ZZZ3: variants seen among roughly 807,000 people sequenced by gnomAD.
The protein encoded by ZZZ3 is zinc finger ZZ-type containing 3, also known as ZZ-type zinc finger-containing protein 3.
ZZZ3 carries 22 observed loss-of-function variants against 95.2 expected under a neutral mutation model. That is an observed-to-expected ratio of 0.23 (90% CI 0.17 to 0.33). ZZZ3 has a LOEUF of 0.33. Among genes scored for constraint, ZZZ3 ranks in the 10% least tolerant of loss-of-function variants. The pLI is 1.00. For missense variants in ZZZ3, 885 were observed against 1,066.5 expected (o/e 0.83, Z 2.37); for synonymous variants, 335 against 358.9 (o/e 0.93, Z 0.75).
Position 77,565,603 on chromosome 1 carries a change from T to C in ZZZ3, c.*37A>G. ...AATTAACAATGATACCATTGCTATG[T>C]GTTGAAGAGGACTAGTAAATGATGT... On this transcript the variant is annotated 3_prime_UTR_variant, in exon 15 of 15. Coordinates refer to ENST00000370801, the MANE Select transcript of ZZZ3 (RefSeq NM_015534.6). 6.2e-7 allele frequency: 1 copy of C among 1,600,012 alleles called. No individual in the cohort carries two copies.
At chr1:77,609,930 A>G (rs1476646005) in intron 5 of ZZZ3, among the ~76,000 whole-genome samples, 3 of 152,046 alleles carry the variant, frequency 2.0e-5, no homozygotes, top group African/African-American at 7.2e-5. Flanking sequence ...GCCAACATAA[A>G]AAACAAAAAA....
In ZZZ3 at chr1:77,564,152, A is replaced by G. The variant is rs1660632697; in HGVS notation, c.*1488T>C. The G allele has an allele frequency of 6.6e-6, 1 of 152,160 alleles. No individual in the cohort carries two copies. The highest frequency in any genetic ancestry group is 2.1e-4 in the South Asian group (1 of 4,830). The allele number at this position is 152,160 out of a possible 1,614,324, so 9.4% of individuals were successfully genotyped here. A position where few individuals can be genotyped will look rare whatever the true frequency, so the allele number is the denominator to read the frequency against. ...TTTCAAAAGCCATCTGTTTAAATAC[A>G]TGGGGGCTTATCTTCATGAGACACA... On this transcript the variant is annotated 3_prime_UTR_variant, in exon 15 of 15. Transcript: ENST00000370801.
intron 5 of ZZZ3, among the ~76,000 whole-genome samples, chr1:77,618,655 CCTTTG>C (rs1166829445): frequency 6.6e-6 from 1 of 152,056 alleles, no homozygotes; most frequent in Non-Finnish European, 1.5e-5. Flanking sequence ...AAAATAAACC[CCTTTG>C]TTGTTTGAGA....
chr1:77,668,018 C>T (rs916942138), intron 1 of ZZZ3, among the ~76,000 whole-genome samples: 1 of 152,060 alleles, frequency 6.6e-6, no homozygotes, highest in Admixed American at 6.5e-5. Context: ...CTGCCCACCT[C>T]AGCCTCCCAA....
chr1:77,568,104 C>T (rs1660997908), intron 13 of ZZZ3, among the ~76,000 whole-genome samples: 1 of 151,824 alleles, frequency 6.6e-6, no homozygotes, highest in Admixed American at 6.6e-5. Flanking sequence ...ATGGTGAAAC[C>T]CCCATCTCTA....
At chr1:77,655,276 T>G (rs530364182) in intron 1 of ZZZ3, among the ~76,000 whole-genome samples, 2 of 152,216 alleles carry the variant, frequency 1.3e-5, no homozygotes, top group African/African-American at 4.8e-5. Context: ...AGTTTCAACA[T>G]GAGTTTTGGA....
intron 1 of ZZZ3, among the ~76,000 whole-genome samples, chr1:77,673,121 A>G (rs1156324085): frequency 6.6e-6 from 1 of 152,152 alleles, no homozygotes; most frequent in Admixed American, 6.5e-5. Flanking sequence ...ACTGACTGAA[A>G]TAACTAAAAT....
chr1:77,648,978 T>C (rs1669555524), intron 1 of ZZZ3, among the ~76,000 whole-genome samples: 1 of 151,934 alleles, frequency 6.6e-6, no homozygotes, highest in Non-Finnish European at 1.5e-5. Context: ...AATACAAAAA[T>C]TAGCCAAGAG....
At chr1:77,595,392 G>C (rs532746575) in intron 5 of ZZZ3, among the ~76,000 whole-genome samples, 43 of 152,044 alleles carry the variant, frequency 2.8e-4, no homozygotes, top group Non-Finnish European at 1.5e-5. Context: ...GAAGTAAAAA[G>C]CAAGTTGAAT....
In ZZZ3 at chr1:77,632,647, T is replaced by C; in HGVS notation, c.708A>G (p.Glu236=). 6.2e-7 allele frequency: 1 copy of C among 1,614,208 alleles called. No individual in the cohort carries two copies. Among genetic ancestry groups the C allele is most frequent in the Non-Finnish European group, 8.5e-7 (1 of 1,180,034 alleles). The change falls in exon 5 of 15, where the codon GAA becomes GAG. Residue 236 remains glutamate, a synonymous_variant. Coordinates refer to ENST00000370801, the MANE Select transcript of ZZZ3 (RefSeq NM_015534.6). ...QNSIGSYVLQ[E]KSVAENGDTD... ...TATCCCCATTTTCAGCTACTGATTT[T>C]TCCTGTAACACATAGGAACCAATGC...
rs957150660 is a variant in ZZZ3 at position 77,603,775 on chromosome 1, T to TA, written c.1506-19121dup. Among the ~76,000 whole-genome samples, 52 of 151,008 alleles carry TA rather than the reference T, an allele frequency of 3.4e-4. 1 individual carries two copies. The highest frequency in any genetic ancestry group is 6.3e-4 in the African/African-American group (26 of 41,188). ...TGAGCCACTGATTCGAAGAGCTTCT[T>TA]AAAAAAAAAGAGGAATATTTCAGAT... On this transcript the variant is annotated intron_variant, in intron 5 of 14. Coordinates refer to ENST00000370801, the MANE Select transcript of ZZZ3 (RefSeq NM_015534.6).
intron 1 of ZZZ3, among the ~76,000 whole-genome samples, chr1:77,672,243 G>T (rs1272089603): frequency 6.6e-6 from 1 of 152,168 alleles, no homozygotes; most frequent in Non-Finnish European, 1.5e-5. Context: ...CCTGATAGGT[G>T]CCAGGGAACT....
intron 3 of ZZZ3, among the ~76,000 whole-genome samples, chr1:77,639,901 ATT>A (rs5775411): frequency 2.6e-4 from 37 of 140,900 alleles, no homozygotes; most frequent in Admixed American, 2.9e-4. Context: ...CTAAGGGAGT[ATT>A]TTTTTTTTTT....
At chr1:77,674,134 CCA>C (rs1435223493) in intron 1 of ZZZ3, among the ~76,000 whole-genome samples, 1 of 152,038 alleles carries the variant, frequency 6.6e-6, no homozygotes, top group Non-Finnish European at 1.5e-5. Context: ...AAAAGGTCTA[CCA>C]CAGAGTTTAA....
chr1:77,622,006 T>C (rs1420818326), intron 5 of ZZZ3, among the ~76,000 whole-genome samples: 2 of 151,748 alleles, frequency 1.3e-5, no homozygotes, highest in African/African-American at 2.4e-5. Flanking sequence ...AGTTAAAATA[T>C]ATGAATGCGT....
chr1:77,584,431 T>C (rs1662860125), intron 6 of ZZZ3, 86 bp downstream of exon 6: 20 of 1,363,412 alleles, frequency 1.5e-5, no homozygotes, highest in Non-Finnish European at 1.8e-5. Flanking sequence ...TTAAAAAGTA[T>C]ATACCCATAA....
In ZZZ3 at chr1:77,563,365, A is replaced by C. The variant is rs1660575982; in HGVS notation, c.*2275T>G. The stretch of plus-strand genomic sequence containing the variant: ...AACTCTCAAATTAAAACAATAACAA[A>C]ACACTACCTACTACTATCTGAACTT... On this transcript the variant is annotated 3_prime_UTR_variant, in exon 15 of 15. Transcript: ENST00000370801. 6.6e-6 allele frequency: 1 copy of C among 152,266 alleles called. No homozygotes were observed. The highest frequency in any genetic ancestry group is 2.1e-4 in the South Asian group (1 of 4,828). 9.4% of individuals were successfully genotyped at this position (152,266 alleles called of 1,614,324 possible).
At chr1:77,649,486 A>G (rs1476983377) in intron 1 of ZZZ3, among the ~76,000 whole-genome samples, 1 of 152,228 alleles carries the variant, frequency 6.6e-6, no homozygotes, top group Non-Finnish European at 1.5e-5. Flanking sequence ...AGGAAATGTT[A>G]AAAGAAGTTC....
chr1:77,564,411 C>A lies in ZZZ3; in HGVS notation c.*1229G>T, dbSNP rs997037585. The A allele has an allele frequency of 6.6e-6, 1 of 151,966 alleles. No individual in the cohort carries two copies. Among genetic ancestry groups the A allele is most frequent in the East Asian group, 1.9e-4 (1 of 5,184 alleles). 9.4% of individuals were successfully genotyped at this position (151,966 alleles called of 1,614,324 possible). A position where few individuals can be genotyped will look rare whatever the true frequency, so the allele number is the denominator to read the frequency against. On this transcript the variant is annotated 3_prime_UTR_variant, in exon 15 of 15. Transcript: ENST00000370801. Reference sequence around the variant, plus strand: ...AAAGAAAACTCTTAAATATGTGAAGCAAACCATTTTAAAAAATACCAATTT... The same window carrying A: ...AAAGAAAACTCTTAAATATGTGAAGAAAACCATTTTAAAAAATACCAATTT...
Sources: allele counts gnomAD v4.1 joint callset (sites outside exome capture counted in the v4.1 genomes callset), GRCh38; gene constraint gnomAD v4.1.1; transcripts MANE v1.5; gene names NCBI Gene and HGNC (gene_info 2026-07-23, HGNC 2026-07-21).